The following PTPRG variants were observed in gnomAD, a reference collection of about 807,000 sequenced individuals.
The protein encoded by PTPRG is receptor-type tyrosine-protein phosphatase gamma.
PTPRG carries 102 observed loss-of-function variants against 165.3 expected under a neutral mutation model. The ratio of observed to expected loss-of-function variants is 0.62; its 90% CI spans 0.53 to 0.73. PTPRG has a LOEUF of 0.73. Ranked by LOEUF, PTPRG falls within the 30% of genes least tolerant of loss-of-function variation. PTPRG has a pLI of 0.00. For synonymous variants in PTPRG, 675 were observed against 669.5 expected, an observed-to-expected ratio of 1.01 and a Z score of -0.13; for missense variants, 1,866 against 1,861.4, an observed-to-expected ratio of 1.00 and a Z score of -0.05.
intron 2 of PTPRG, among the ~76,000 whole-genome samples, chr3:61,869,950 G>A (rs647614): frequency 0.29 from 43,777 of 151,456 alleles, 7,533 homozygotes; most frequent in African/African-American, 0.49. Context: ...CTTGTGATTC[G>A]ACTCTCATCC....
Position 62,211,256 on chromosome 3 carries a change from C to CA in PTPRG, c.2155+7311dup, listed in dbSNP as rs372100839. 5.0e-3 allele frequency among the ~76,000 whole-genome samples: 765 copies of CA among 152,250 alleles called. 5 individuals carry two copies. Among genetic ancestry groups the CA allele is most frequent in the African/African-American group, 0.018 (734 of 41,532 alleles). On this transcript the variant is annotated intron_variant, in intron 12 of 29. Transcript: ENST00000474889. Reference sequence around the variant, plus strand: ...TATGCTAAGTGCAATGAGCCAGTCACAAAAAGACAAGTAATACATGATTCC... The same window carrying CA: ...TATGCTAAGTGCAATGAGCCAGTCACAAAAAAGACAAGTAATACATGATTCC...
chr3:61,791,556 C>T lies in PTPRG; in HGVS notation c.190+42574C>T, dbSNP rs541332646. On this transcript the variant is annotated intron_variant, in intron 2 of 29. Transcript: ENST00000474889. ...AGGCTGGAGTGCAGTGGTGCTATCT[C>T]GGGTAACTGCAACCTCTGCCTCCCA... Among the ~76,000 whole-genome samples the T allele has an allele frequency of 4.1e-4, 62 of 152,278 alleles. 1 individual carries two copies. The South Asian group carries it at 0.011, about 26-fold the overall frequency.
chr3:62,287,111 C>T (rs1293438541), intron 28 of PTPRG, among the ~76,000 whole-genome samples: 3 of 152,170 alleles, frequency 2.0e-5, no homozygotes, highest in East Asian at 1.9e-4. Context: ...ATGCATACTC[C>T]GTAAAAACAT....
rs2106955540 is a variant in PTPRG at position 62,245,072 on chromosome 3, C to T, written c.2467+1174C>T. Among the ~76,000 whole-genome samples the T allele has an allele frequency of 6.6e-6, 1 of 152,248 alleles. No homozygotes were observed. Among genetic ancestry groups the T allele is most frequent in the Non-Finnish European group, 1.5e-5 (1 of 68,016 alleles). Reference sequence around the variant, plus strand: ...GTTTTGTACATTCTAGTCAGCTTTTCTCACTAAAACTTGCCACACAGAAAC... The same window carrying T: ...GTTTTGTACATTCTAGTCAGCTTTTTTCACTAAAACTTGCCACACAGAAAC... On this transcript the variant is annotated intron_variant, in intron 15 of 29. Transcript: ENST00000474889. This position sits in a 1 kb window ranked among gnomAD's most constrained non-coding sequence, Gnocchi z 4.2.
At chr3:61,854,090 T>G (rs926892664) in intron 2 of PTPRG, among the ~76,000 whole-genome samples, 3 of 152,194 alleles carry the variant, frequency 2.0e-5, no homozygotes, top group Non-Finnish European at 4.4e-5. Context: ...AGCACTGGAA[T>G]GCAGAACTGA....
intron 2 of PTPRG, among the ~76,000 whole-genome samples, chr3:61,815,031 G>GT (rs1213326166): frequency 2.0e-5 from 3 of 151,908 alleles, no homozygotes; most frequent in Admixed American, 6.6e-5. Flanking sequence ...TCAGACTCAG[G>GT]TTTTTTGTGA....
At chr3:62,046,943 T>C (rs1700312145) in intron 4 of PTPRG, among the ~76,000 whole-genome samples, 1 of 152,158 alleles carries the variant, frequency 6.6e-6, no homozygotes, top group African/African-American at 2.4e-5. Flanking sequence ...CATTATGCCG[T>C]TCTCTCAATG....
intron 5 of PTPRG, among the ~76,000 whole-genome samples, chr3:62,106,863 C>A (rs1702490906): frequency 6.6e-6 from 1 of 152,102 alleles, no homozygotes; most frequent in Non-Finnish European, 1.5e-5. Context: ...GGGTGTATGA[C>A]TTATATCCAG....
At chr3:62,065,612 G>C (rs561602843) in intron 4 of PTPRG, among the ~76,000 whole-genome samples, 3 of 152,138 alleles carry the variant, frequency 2.0e-5, no homozygotes, top group African/African-American at 7.2e-5. Context: ...AATCCCGGTG[G>C]AGCAATGCAA....
chr3:62,093,745 G>A (rs927131606), intron 5 of PTPRG, among the ~76,000 whole-genome samples: 6 of 152,180 alleles, frequency 3.9e-5, no homozygotes, highest in African/African-American at 1.4e-4. Context: ...CCCTCGGGCT[G>A]TTGCCTGGGA....
In PTPRG at chr3:61,713,229, C is replaced by T. The variant is rs556676649; in HGVS notation, c.86-35649C>T. ...AGGCTGGAGTGCAGTGGCACGATCT[C>T]GGCTCACTGCAACCTCCAGCTCCCT... On this transcript the variant is annotated intron_variant, in intron 1 of 29. Coordinates refer to ENST00000474889, the MANE Select transcript of PTPRG (RefSeq NM_002841.4). Among the ~76,000 whole-genome samples, 9 of 150,618 alleles carry T rather than the reference C, an allele frequency of 6.0e-5. No individual in the cohort carries two copies. In the East Asian group the frequency reaches 7.8e-4, roughly 13 times the overall value.
At chr3:61,776,631 C>G (rs1323737165) in intron 2 of PTPRG, among the ~76,000 whole-genome samples, 3 of 151,990 alleles carry the variant, frequency 2.0e-5, no homozygotes, top group African/African-American at 7.2e-5. Flanking sequence ...AAATTCTATC[C>G]TTTTAACTGG....
At chr3:61,708,091 T>G (rs2031353252) in intron 1 of PTPRG, among the ~76,000 whole-genome samples, 2 of 151,000 alleles carry the variant, frequency 1.3e-5, no homozygotes, top group African/African-American at 2.4e-5. Flanking sequence ...ACCCAGTAGT[T>G]TTTTTTTTAT....
chr3:62,229,100 G>A lies in PTPRG; in HGVS notation c.2289-2125G>A, dbSNP rs1178644078. ...GGGGAGAGCTCAAGCACATTTTGTG[G>A]TGCCAAAATATGGCTTGCCTCAGAG... On this transcript the variant is annotated intron_variant, in intron 13 of 29. Transcript: ENST00000474889. The surrounding 1 kb of genome is among the most constrained non-coding windows in gnomAD (Gnocchi z 4.6). Among the ~76,000 whole-genome samples, 1 of 152,112 alleles carries A rather than the reference G, an allele frequency of 6.6e-6. No homozygotes were observed. Among genetic ancestry groups the A allele is most frequent in the African/African-American group, 2.4e-5 (1 of 41,416 alleles).
chr3:61,621,077 GTA>G (rs763944732), intron 1 of PTPRG, among the ~76,000 whole-genome samples: 2 of 144,910 alleles, frequency 1.4e-5, no homozygotes, highest in East Asian at 2.1e-4. Flanking sequence ...GTGTGTGTGT[GTA>G]TATTTATTTA....
intron 2 of PTPRG, among the ~76,000 whole-genome samples, chr3:61,976,232 A>T (rs541746346): frequency 6.6e-6 from 1 of 152,338 alleles, no homozygotes; most frequent in South Asian, 2.1e-4. Context: ...TAGATAATGC[A>T]CTACTGTAAT....
chr3:61,577,174 T>C (rs1337122607), intron 1 of PTPRG, among the ~76,000 whole-genome samples: 3 of 152,346 alleles, frequency 2.0e-5, no homozygotes, highest in South Asian at 4.1e-4. Flanking sequence ...ATCAGTGTTA[T>C]TTTTGATAAG....
intron 7 of PTPRG, 145 bp from the exon 8 acceptor site, chr3:62,167,826 G>T: frequency 1.3e-6 from 1 of 768,466 alleles, no homozygotes; most frequent in Non-Finnish European, 2.1e-6. Flanking sequence ...GTCCTGCTGG[G>T]TTTAGCAGCC....
At chr3:61,976,560 A>T (rs1399855642) in intron 2 of PTPRG, among the ~76,000 whole-genome samples, 1 of 152,226 alleles carries the variant, frequency 6.6e-6, no homozygotes, top group Non-Finnish European at 1.5e-5. Context: ...GTTAACATAA[A>T]ATAGAATATT....
Sources: gnomAD v4.1 joint callset for allele counts (sites outside exome capture counted in the v4.1 genomes callset) on GRCh38, gnomAD v4.1.1 for gene constraint, Gnocchi (gnomAD v3.1) non-coding constraint, MANE v1.5 for transcripts, NCBI Gene and HGNC (gene_info 2026-07-23, HGNC 2026-07-21) for gene names.